RSRC1: variants seen among roughly 807,000 people sequenced by gnomAD.
The protein encoded by RSRC1 is serine/Arginine-related protein 53.
Under a neutral mutation model 49.1 loss-of-function variants are expected in RSRC1, and 39 were observed. The observed-to-expected ratio is 0.79, with a 90% CI of 0.61 to 1.04. The LOEUF is 1.04. RSRC1 is among the 50% of genes least tolerant of loss of function. The probability of loss-of-function intolerance (pLI) is 0.00; values close to 1 mark genes in which losing one functional copy is unlikely to be tolerated. For missense variants in RSRC1, 388 were observed against 402.4 expected (o/e 0.96, Z 0.31); for synonymous variants, 143 against 130.8 (o/e 1.09, Z -0.63).
intron 6 of RSRC1, among the ~76,000 whole-genome samples, chr3:158,459,848 TTAAG>T (rs1212034126): frequency 6.6e-6 from 1 of 151,972 alleles, no homozygotes; most frequent in Non-Finnish European, 1.5e-5. Context: ...GTTTTATACT[TTAAG>T]AAAGTGTCAA....
chr3:158,211,488 A>C (rs138068518), intron 4 of RSRC1, among the ~76,000 whole-genome samples: 522 of 152,086 alleles, frequency 3.4e-3, no homozygotes, highest in Admixed American at 5.1e-3. Context: ...CTTCTTCCAC[A>C]TAGGGGAAGG....
chr3:158,467,082 A>G (rs1489338115), intron 7 of RSRC1, among the ~76,000 whole-genome samples: 1 of 152,174 alleles, frequency 6.6e-6, no homozygotes, highest in Middle Eastern at 3.2e-3. Flanking sequence ...ATACTTCATA[A>G]CTAAATATAA....
At position 158,203,193 on chromosome 3, in the gene RSRC1, G is replaced by T. The variant is rs1248001473; in HGVS notation, c.442G>T (p.Glu148Ter). Residue 148 changes from glutamate to a stop codon, truncating the protein, a stop_gained, in exon 4 of 10, where the codon GAA becomes TAA. Transcript: ENST00000611884. LOFTEE classifies it high-confidence loss of function. ...RRKGRDKEKR[E>*]KEKDKGKDKE... ...TAAGGGCAGAGATAAAGAGAAAAGA[G>T]AAAAGGAGAAGGATAAAGGGAAGGA... is the stretch of plus-strand genomic sequence containing the variant. The T allele has an allele frequency of 8.1e-6, 13 of 1,611,748 alleles. No homozygotes were observed. The highest frequency in any genetic ancestry group is 1.1e-5 in the Non-Finnish European group (13 of 1,179,006).
At chr3:158,524,736 A>C (rs543168160) in intron 7 of RSRC1, among the ~76,000 whole-genome samples, 13 of 152,152 alleles carry the variant, frequency 8.5e-5, no homozygotes, top group African/African-American at 3.1e-4. Flanking sequence ...ACCTTGCTCA[A>C]CCCTCATGTA....
intron 5 of RSRC1, among the ~76,000 whole-genome samples, chr3:158,324,438 T>C (rs1166437043): frequency 6.6e-6 from 1 of 152,070 alleles, no homozygotes; most frequent in African/African-American, 2.4e-5. Context: ...TGTGTCCAAG[T>C]GTTCTCATTG....
chr3:158,200,651 TTTC>T (rs1720991212), intron 3 of RSRC1, among the ~76,000 whole-genome samples: 2 of 152,122 alleles, frequency 1.3e-5, no homozygotes, highest in South Asian at 2.1e-4. Flanking sequence ...CTATACTTAT[TTTC>T]TTCTTTTTTT....
chr3:158,124,392 A>G (rs1029062504), intron 3 of RSRC1, among the ~76,000 whole-genome samples: 1 of 152,114 alleles, frequency 6.6e-6, no homozygotes, highest in Non-Finnish European at 1.5e-5. Context: ...TTCTTGTAAT[A>G]TATTTGTCTG....
At chr3:158,244,141 G>T (rs781689239) in intron 4 of RSRC1, among the ~76,000 whole-genome samples, 13 of 152,048 alleles carry the variant, frequency 8.5e-5, no homozygotes, top group Non-Finnish European at 8.8e-5. Flanking sequence ...GATAATCCTG[G>T]CCAGAACTTC....
At chr3:158,543,533 T>A (rs768536513) in intron 9 of RSRC1, 46 bp downstream of exon 9, 48 of 1,552,006 alleles carry the variant, frequency 3.1e-5, no homozygotes, top group Non-Finnish European at 4.2e-5. Flanking sequence ...TCTAATTTAC[T>A]GAAATTATTT....
intron 5 of RSRC1, among the ~76,000 whole-genome samples, chr3:158,329,288 G>T (rs1423686356): frequency 6.6e-6 from 1 of 152,200 alleles, no homozygotes; most frequent in Non-Finnish European, 1.5e-5. Context: ...GAGGAGCTAC[G>T]TTCCTTTGGA....
intron 5 of RSRC1, among the ~76,000 whole-genome samples, chr3:158,346,226 C>T (rs1389451124): frequency 6.6e-6 from 1 of 152,000 alleles, no homozygotes; most frequent in Non-Finnish European, 1.5e-5. Flanking sequence ...GCAGGCAGAT[C>T]CCTAGAGCCC....
At chr3:158,345,430 A>T (rs1730498368) in intron 5 of RSRC1, among the ~76,000 whole-genome samples, 1 of 152,142 alleles carries the variant, frequency 6.6e-6, no homozygotes, top group Non-Finnish European at 1.5e-5. Context: ...AGCAGGTAAA[A>T]ATGGTGGAAA....
Position 158,461,012 on chromosome 3 carries a change from A to G in RSRC1, c.652+9A>G. The G allele has an allele frequency of 6.3e-7, 1 of 1,589,120 alleles. No homozygotes were observed. Among genetic ancestry groups the G allele is most frequent in the Non-Finnish European group, 8.6e-7 (1 of 1,163,064 alleles). ...GAGAAGAAAGGAGGAAGGTAAAGGC[A>G]TGTGTTCATTTTTCTCTGAGAAATC... On this transcript the variant is annotated intron_variant, in intron 7 of 9. Coordinates refer to ENST00000611884, the MANE Select transcript of RSRC1 (RefSeq NM_001271838.2).
At chr3:158,518,126 G>GTATATATATATATA (rs1322921127) in intron 7 of RSRC1, among the ~76,000 whole-genome samples, 1 of 68,840 alleles carries the variant, frequency 1.5e-5, no homozygotes, top group African/African-American at 7.5e-5. Context: ...GTGTGTGTGT[G>GTATATATATATATA]TATATATATA....
chr3:158,225,898 T>A (rs189430181), intron 4 of RSRC1, among the ~76,000 whole-genome samples: 6 of 152,070 alleles, frequency 3.9e-5, no homozygotes, highest in Admixed American at 3.9e-4. Flanking sequence ...AGATAACAGA[T>A]ATTAAGTAAT....
chr3:158,470,781 A>C (rs1159959531), intron 7 of RSRC1, among the ~76,000 whole-genome samples: 1 of 152,168 alleles, frequency 6.6e-6, no homozygotes, highest in Non-Finnish European at 1.5e-5. Context: ...ATAATTCAAG[A>C]TGAACAGCAG....
At chr3:158,466,919 C>G (rs1737917380) in intron 7 of RSRC1, among the ~76,000 whole-genome samples, 1 of 152,036 alleles carries the variant, frequency 6.6e-6, no homozygotes, top group Non-Finnish European at 1.5e-5. Context: ...ATTAGTCAGG[C>G]ATGGTAGTGG....
chr3:158,528,038 C>T (rs1193767077), intron 7 of RSRC1, among the ~76,000 whole-genome samples: 1 of 151,192 alleles, frequency 6.6e-6, no homozygotes, highest in Non-Finnish European at 1.5e-5. Flanking sequence ...TTTATATATT[C>T]ATAGAGATTT....
intron 3 of RSRC1, among the ~76,000 whole-genome samples, chr3:158,158,643 A>C (rs1718025172): frequency 6.6e-6 from 1 of 152,130 alleles, no homozygotes; most frequent in African/African-American, 2.4e-5. Context: ...TTGTCTCTTT[A>C]GAAATAGGAG....
Sources: gnomAD v4.1 joint callset for allele counts (sites outside exome capture counted in the v4.1 genomes callset) on GRCh38, gnomAD v4.1.1 for gene constraint, MANE v1.5 for transcripts, NCBI Gene and HGNC (gene_info 2026-07-23, HGNC 2026-07-21) for gene names.